Variants in TLE4 observed in about 807,000 individuals in gnomAD.
TLE4 encodes transducin-like enhancer protein 4.
A neutral mutation model predicts 92.8 loss-of-function variants in TLE4; 8 were observed. That is an observed-to-expected ratio of 0.09 (90% confidence interval 0.05 to 0.16). TLE4 has a LOEUF of 0.16. Among genes scored for constraint, TLE4 ranks in the 10% least tolerant of loss-of-function variants. The pLI, the probability that TLE4 is intolerant of heterozygous loss-of-function variation, is 1.00. For missense variants in TLE4, 675 were observed against 997.6 expected (o/e 0.68, Z 4.36); for synonymous variants, 371 against 374.1 (o/e 0.99, Z 0.10).
rs971313367 is a variant in TLE4, at chr9:79,706,853, C to T, written c.890C>T (p.Ala297Val). ...GCCCCGATTAGTCCAGCCTCTATTG[C>T]ATCTTCCAGCAGTACTCCCTCCTCC... ...KDAPISPASIASSSSTPSSKS... is the reference protein window; with the variant it reads ...KDAPISPASIVSSSSTPSSKS... Residue 297 changes from alanine to valine, a missense_variant, in exon 11 of 20, where the codon GCA becomes GTA. By Grantham distance (64) the Ala-to-Val change is moderately conservative. This residue lies in a region of TLE4 where 280 missense variants were observed against 287.3 expected (regional missense o/e 0.97). Transcript: ENST00000376552. 6.2e-7 allele frequency: 1 copy of T among 1,614,222 alleles called. No homozygotes were observed. Among genetic ancestry groups the T allele is most frequent in the Non-Finnish European group, 8.5e-7 (1 of 1,180,042 alleles).
chr9:79,724,516 T>C (rs998261493), intron 19 of TLE4, among the ~76,000 whole-genome samples: 2 of 151,892 alleles, frequency 1.3e-5, no homozygotes, highest in African/African-American at 4.8e-5. Context: ...CCTGGTGAGG[T>C]GTCGCCAAGG....
At chr9:79,585,850 C>G (rs957131653) in intron 4 of TLE4, among the ~76,000 whole-genome samples, 5 of 151,984 alleles carry the variant, frequency 3.3e-5, no homozygotes, top group Non-Finnish European at 7.4e-5. Context: ...TCCCCCCGTC[C>G]TGTGGATGAA....
At chr9:79,676,614 G>A (rs2063301517) in intron 8 of TLE4, among the ~76,000 whole-genome samples, 6 of 152,078 alleles carry the variant, frequency 3.9e-5, no homozygotes. Flanking sequence ...AATAAAATAT[G>A]TGGAAAGAGA....
At chr9:79,718,365 AG>A (rs1452871921) in intron 14 of TLE4, among the ~76,000 whole-genome samples, 4 of 152,216 alleles carry the variant, frequency 2.6e-5, no homozygotes, top group Admixed American at 2.6e-4. Context: ...GCAGGTTTAT[AG>A]GGCATCCCTG....
intron 9 of TLE4, among the ~76,000 whole-genome samples, chr9:79,705,130 C>T (rs1220784529): frequency 6.6e-6 from 1 of 152,218 alleles, no homozygotes; most frequent in Non-Finnish European, 1.5e-5. Context: ...AACAGAAGAC[C>T]TGGATGATCC....
At chr9:79,614,926 C>G (rs2049164734) in intron 5 of TLE4, among the ~76,000 whole-genome samples, 1 of 152,136 alleles carries the variant, frequency 6.6e-6, no homozygotes, top group Non-Finnish European at 1.5e-5. Flanking sequence ...CACCCGTGAT[C>G]TATGCCATGG....
chr9:79,617,895 C>G (rs1395362823), intron 5 of TLE4, among the ~76,000 whole-genome samples: 1 of 151,992 alleles, frequency 6.6e-6, no homozygotes, highest in Non-Finnish European at 1.5e-5. Context: ...GCGAAGCCAT[C>G]TATAGCTAAT....
chr9:79,688,766 C>T (rs2066428965), intron 8 of TLE4, among the ~76,000 whole-genome samples: 1 of 151,892 alleles, frequency 6.6e-6, no homozygotes, highest in South Asian at 2.1e-4. Flanking sequence ...CTTCAATTGC[C>T]AAATACATTC....
intron 14 of TLE4, 34 bp downstream of exon 14, chr9:79,709,733 G>A (rs780696710): frequency 5.0e-6 from 8 of 1,597,590 alleles, no homozygotes; most frequent in Non-Finnish European, 6.9e-6. Context: ...CTCATTGTGT[G>A]TCAAACTCAG....
chr9:79,573,367 C>G (rs756739048), intron 1 of TLE4: 121 of 1,143,890 alleles, frequency 1.1e-4, no homozygotes, highest in Non-Finnish European at 1.3e-4. Flanking sequence ...AGTTTCGATT[C>G]CGGGTGAGGA....
chr9:79,660,856 C>G (rs2060432246), intron 8 of TLE4, among the ~76,000 whole-genome samples: 1 of 152,166 alleles, frequency 6.6e-6, no homozygotes, highest in Non-Finnish European at 1.5e-5. Context: ...GGGAGACACG[C>G]TTGTTTTGCA....
intron 8 of TLE4, among the ~76,000 whole-genome samples, chr9:79,663,980 G>A (rs576133012): frequency 9.8e-5 from 15 of 152,302 alleles, no homozygotes; most frequent in South Asian, 2.1e-4. Flanking sequence ...GTGGTCTCCC[G>A]TTGCCCTAGC....
intron 4 of TLE4, among the ~76,000 whole-genome samples, chr9:79,587,852 C>T (rs141868873): frequency 1.3e-3 from 201 of 152,228 alleles, no homozygotes; most frequent in African/African-American, 4.5e-3. Flanking sequence ...TAAAATTTAT[C>T]GAGTGCCCAC....
chr9:79,621,132 G>A (rs2050859262), intron 5 of TLE4, among the ~76,000 whole-genome samples: 1 of 152,210 alleles, frequency 6.6e-6, no homozygotes, highest in Admixed American at 6.5e-5. Context: ...CTGATTTGGG[G>A]AGATTGGGTT....
At chr9:79,685,222 ATT>A (rs2065593385) in intron 8 of TLE4, among the ~76,000 whole-genome samples, 1 of 152,202 alleles carries the variant, frequency 6.6e-6, no homozygotes, top group Non-Finnish European at 1.5e-5. Context: ...TATAAGAAGC[ATT>A]GTTACCCTCA....
intron 8 of TLE4, among the ~76,000 whole-genome samples, chr9:79,693,473 A>G (rs1205440215): frequency 6.6e-6 from 1 of 152,130 alleles, no homozygotes; most frequent in African/African-American, 2.4e-5. Flanking sequence ...ACTTGCTTGT[A>G]CGCATTAGGT....
intron 6 of TLE4, among the ~76,000 whole-genome samples, chr9:79,648,429 A>G (rs1348024577): frequency 1.3e-5 from 2 of 152,164 alleles, no homozygotes; most frequent in African/African-American, 4.8e-5. Flanking sequence ...CTATAAGATG[A>G]TGGACACTTA....
intron 16 of TLE4, 40 bp downstream of exon 16, chr9:79,720,333 C>T (rs772400917): frequency 6.3e-7 from 1 of 1,576,390 alleles, no homozygotes; most frequent in Middle Eastern, 2.1e-4. Context: ...TGAGGAGGAG[C>T]CGATTTTACC....
chr9:79,630,512 A>C (rs745401923), intron 6 of TLE4, among the ~76,000 whole-genome samples: 1 of 152,300 alleles, frequency 6.6e-6, no homozygotes, highest in South Asian at 2.1e-4. Flanking sequence ...GTGATATTAC[A>C]CATTTCCTTC....
Sources: gnomAD v4.1 joint callset for allele counts (sites outside exome capture counted in the v4.1 genomes callset) on GRCh38, gnomAD v4.1.1 for gene constraint, gnomAD v4.1.1 regional missense constraint, MANE v1.5 for transcripts, NCBI Gene and HGNC (gene_info 2026-07-23, HGNC 2026-07-21) for gene names.